The following ABLIM3 variants were observed in gnomAD, a reference collection of about 807,000 sequenced individuals.
ABLIM3 encodes actin-binding LIM protein 3.
ABLIM3 carries 61 observed loss-of-function variants against 109.5 expected under a neutral mutation model. The observed-to-expected ratio is 0.56, with a 90% CI of 0.45 to 0.69. ABLIM3 has a LOEUF of 0.69. Ranked by LOEUF, ABLIM3 falls within the 30% of genes least tolerant of loss-of-function variation. The probability of loss-of-function intolerance (pLI) is 0.00; values close to 1 mark genes in which losing one functional copy is unlikely to be tolerated. For missense variants in ABLIM3, 796 were observed against 889.5 expected (o/e 0.89, Z 1.34); for synonymous variants, 300 against 324.8 (o/e 0.92, Z 0.82).
intron 2 of ABLIM3, among the ~76,000 whole-genome samples, chr5:149,165,728 T>C (rs1274870786): frequency 3.9e-5 from 6 of 152,328 alleles, no homozygotes; most frequent in Non-Finnish European, 1.5e-5. Flanking sequence ...TTCTGATTAC[T>C]TCTCCTCCCT....
At chr5:149,184,511 G>T (rs528947572) in intron 3 of ABLIM3, among the ~76,000 whole-genome samples, 1 of 152,092 alleles carries the variant, frequency 6.6e-6, no homozygotes, top group South Asian at 2.1e-4. Flanking sequence ...CCTTAAATTG[G>T]GTCTCATCTT....
At chr5:149,204,833 T>C (rs954123207) in intron 5 of ABLIM3, among the ~76,000 whole-genome samples, 1 of 152,184 alleles carries the variant, frequency 6.6e-6, no homozygotes, top group Admixed American at 6.5e-5. Context: ...TCACTCCAAC[T>C]CTCAGCCCAG....
intron 2 of ABLIM3, among the ~76,000 whole-genome samples, chr5:149,151,568 G>A (rs1012978545): frequency 6.6e-6 from 1 of 152,198 alleles, no homozygotes; most frequent in Admixed American, 6.5e-5. Flanking sequence ...ATCTAGTCTT[G>A]ATGTTTAAAC....
rs1356063101 is a variant in ABLIM3, at chr5:149,260,298, C to G, written c.*1894C>G. 2 of 152,586 alleles carry G rather than the reference C, an allele frequency of 1.3e-5. No individual in the cohort carries two copies. Among genetic ancestry groups the G allele is most frequent in the African/African-American group, 2.4e-5 (1 of 41,420 alleles). The allele number at this position is 152,586 out of a possible 1,614,324, so 9.5% of individuals were successfully genotyped here. A position where few individuals can be genotyped will look rare whatever the true frequency, so the allele number is the denominator to read the frequency against. On this transcript the variant is annotated 3_prime_UTR_variant, in exon 24 of 24. Transcript: ENST00000309868. ...GCCAATGTCTTTTCACTTTCCTGACCCTTTAGAATCATCCCCAGCCAGACG... is the reference window on the plus strand; with the variant it reads ...GCCAATGTCTTTTCACTTTCCTGACGCTTTAGAATCATCCCCAGCCAGACG...
intron 22 of ABLIM3, chr5:149,252,469 A>T (rs1754024646): frequency 1.8e-6 from 1 of 554,670 alleles, no homozygotes; most frequent in Admixed American, 3.3e-5. Context: ...ACCAAATATT[A>T]GACACTTACA....
chr5:149,237,365 G>A, intron 10 of ABLIM3, 83 bp from the exon 11 acceptor site: 1 of 1,405,804 alleles, frequency 7.1e-7, no homozygotes, highest in Non-Finnish European at 9.8e-7. Context: ...TGTTCCTTCT[G>A]TATCTTGTTT....
In ABLIM3 at chr5:149,198,256, C is replaced by T. The variant is rs759170287; in HGVS notation, c.189C>T (p.Phe63=). ...GCGLAQSGFF[F]KNQEYICTQD... ...GCCTGGCCCAGTCAGGCTTCTTCTTCAAGAACCAGGAGTACATCTGCACCC... is the reference window on the plus strand; with the variant it reads ...GCCTGGCCCAGTCAGGCTTCTTCTTTAAGAACCAGGAGTACATCTGCACCC... Residue 63 remains phenylalanine (F), a synonymous_variant, in exon 4 of 24, where the codon TTC becomes TTT. Transcript: ENST00000309868. This position sits in a 1 kb window ranked among gnomAD's most constrained non-coding sequence, Gnocchi z 4.2. 5.6e-6 allele frequency: 9 copies of T among 1,613,944 alleles called. No individual in the cohort carries two copies. The South Asian group carries it at 9.9e-5, about 18-fold the overall frequency.
chr5:149,233,156 A>AC lies in ABLIM3; in HGVS notation c.817-68dup, dbSNP rs1474310552. 2.3e-6 allele frequency: 3 copies of AC among 1,313,760 alleles called. No homozygotes were observed. The African/African-American group carries it at 4.4e-5, about 19-fold the overall frequency. 81.4% of individuals were successfully genotyped at this position (1,313,760 alleles called of 1,614,324 possible). On this transcript the variant is annotated intron_variant, in intron 9 of 23. Transcript: ENST00000309868. ...TGGTATTGCTAATGTTGCATTCTTA[A>AC]CCCCCTGTCTCACCCTCCCCACCAA... is the stretch of plus-strand genomic sequence containing the variant.
chr5:149,216,820 C>A, intron 7 of ABLIM3, 139 bp from the exon 8 acceptor site: 2 of 713,556 alleles, frequency 2.8e-6, no homozygotes, highest in South Asian at 3.4e-5. Flanking sequence ...TTGTGGACTC[C>A]CTTGGGTAGC....
At chr5:149,219,963 G>C (rs1404810335) in intron 8 of ABLIM3, 3 of 152,108 alleles carry the variant, frequency 2.0e-5, no homozygotes, top group African/African-American at 7.2e-5. Flanking sequence ...GTGCCTCAGG[G>C]GGGATCCTGG....
At position 149,167,446 on chromosome 5, in the gene ABLIM3, C is replaced by T. The variant is rs139894946; in HGVS notation, c.14-16006C>T. On this transcript the variant is annotated intron_variant, in intron 2 of 23. Transcript: ENST00000309868. ...GAGGAGTGCTGACACCAAAAAGTTT[C>T]AGAACTGCTAACATTGCAGTATCCT... is the stretch of plus-strand genomic sequence containing the variant. Among the ~76,000 whole-genome samples, 111 of 152,230 alleles carry T rather than the reference C, an allele frequency of 7.3e-4. No individual in the cohort carries two copies. In the East Asian group the frequency reaches 0.021, roughly 29 times the overall value.
At chr5:149,230,611 G>A (rs1761758408) in intron 8 of ABLIM3, 38 bp from the exon 9 acceptor site, 1 of 1,611,146 alleles carries the variant, frequency 6.2e-7, no homozygotes, top group Non-Finnish European at 8.5e-7. Flanking sequence ...TGGAGGGTTT[G>A]AAAGGTCTGA....
intron 13 of ABLIM3, 50 bp downstream of exon 13, chr5:149,239,938 G>A (rs1276975001): frequency 3.2e-6 from 5 of 1,560,824 alleles, no homozygotes; most frequent in Non-Finnish European, 3.5e-6. Flanking sequence ...GGGAGACAAT[G>A]CAGTCACTTG....
chr5:149,169,656 T>C (rs1755188052), intron 2 of ABLIM3, among the ~76,000 whole-genome samples: 1 of 151,356 alleles, frequency 6.6e-6, no homozygotes, highest in Non-Finnish European at 1.5e-5. Flanking sequence ...AAAGAGAGAG[T>C]CTGTTCACAG....
chr5:149,201,897 T>G (rs1758528008), intron 5 of ABLIM3, among the ~76,000 whole-genome samples: 1 of 152,148 alleles, frequency 6.6e-6, no homozygotes, highest in African/African-American at 2.4e-5. Flanking sequence ...TCATGAAGCC[T>G]CCCTGAGACT....
intron 2 of ABLIM3, among the ~76,000 whole-genome samples, chr5:149,172,302 T>C (rs1755512965): frequency 6.6e-6 from 1 of 152,224 alleles, no homozygotes; most frequent in Admixed American, 6.5e-5. Flanking sequence ...ATTCTGATTG[T>C]ACTAAGTTTT....
chr5:149,209,708 G>T (rs140656476), intron 6 of ABLIM3, among the ~76,000 whole-genome samples: 1 of 152,180 alleles, frequency 6.6e-6, no homozygotes, highest in Admixed American at 6.5e-5. Flanking sequence ...CTGATTGAGC[G>T]GGGGAGGAGG....
chr5:149,165,708 T>G (rs905505293), intron 2 of ABLIM3, among the ~76,000 whole-genome samples: 1 of 152,192 alleles, frequency 6.6e-6, no homozygotes, highest in African/African-American at 2.4e-5. Flanking sequence ...CCTTTCTCCC[T>G]GCTCACTCAT....
intron 22 of ABLIM3, 112 bp from the exon 23 acceptor site, chr5:149,252,645 T>G: frequency 1.2e-6 from 1 of 820,286 alleles, no homozygotes; most frequent in Admixed American, 2.1e-5. Flanking sequence ...TCCTCCAGAC[T>G]TAATTTCTGG....
Sources: allele counts gnomAD v4.1 joint callset (sites outside exome capture counted in the v4.1 genomes callset), GRCh38; gene constraint gnomAD v4.1.1; non-coding constraint Gnocchi (gnomAD v3.1); transcripts MANE v1.5; gene names NCBI Gene and HGNC (gene_info 2026-07-23, HGNC 2026-07-21).